WWOX: variants seen among roughly 807,000 people sequenced by gnomAD.
WWOX encodes the protein WW domain-containing oxidoreductase.
A neutral mutation model predicts 46.2 loss-of-function variants in WWOX; 69 were observed. The ratio of observed to expected loss-of-function variants is 1.49; its 90% confidence interval spans 1.23 to 1.82. The LOEUF is 1.82. Ranked by LOEUF, WWOX falls within the 40% of genes most tolerant of loss-of-function variation. WWOX has a pLI of 0.00. For synonymous variants in WWOX, 359 were observed against 202.6 expected (o/e 1.77, Z -6.56); for missense variants, 919 against 542.6 (o/e 1.69, Z -6.89).
chr16:78,640,864 G>C (rs1234902636), intron 8 of WWOX, among the ~76,000 whole-genome samples: 1 of 151,678 alleles, frequency 6.6e-6, no homozygotes. Flanking sequence ...GCTTGAACCT[G>C]GGAAGCAGAG....
intron 8 of WWOX, among the ~76,000 whole-genome samples, chr16:79,194,604 C>T (rs576952504): frequency 6.6e-6 from 1 of 152,282 alleles, no homozygotes; most frequent in South Asian, 2.1e-4. Flanking sequence ...CCACTTCCAT[C>T]CTTCTCCACC....
At chr16:78,985,061 G>A (rs1416261841) in intron 8 of WWOX, among the ~76,000 whole-genome samples, 1 of 152,192 alleles carries the variant, frequency 6.6e-6, no homozygotes, top group Non-Finnish European at 1.5e-5. Context: ...GCTCTGTCAG[G>A]AGCCAAGCTC....
At chr16:79,024,311 T>A (rs939721905) in intron 8 of WWOX, among the ~76,000 whole-genome samples, 2 of 152,234 alleles carry the variant, frequency 1.3e-5, no homozygotes, top group African/African-American at 2.4e-5. Flanking sequence ...TAGGTTGTGG[T>A]GCAGTGGCAC....
chr16:78,363,334 C>T (rs534548584), intron 5 of WWOX, among the ~76,000 whole-genome samples: 8 of 151,326 alleles, frequency 5.3e-5, no homozygotes, highest in East Asian at 1.9e-4. Context: ...AGTGCAGTGG[C>T]GCGATGACAG....
At chr16:78,607,601 C>G (rs976237690) in intron 8 of WWOX, among the ~76,000 whole-genome samples, 1 of 151,184 alleles carries the variant, frequency 6.6e-6, no homozygotes, top group African/African-American at 2.4e-5. Context: ...AATGACCATC[C>G]GAGGCATTCA....
intron 5 of WWOX, among the ~76,000 whole-genome samples, chr16:78,370,791 G>C (rs68142009): frequency 1.7e-4 from 2 of 11,562 alleles, no homozygotes; most frequent in Admixed American, 8.1e-4. Flanking sequence ...TTTTTTTTGG[G>C]GGGGGGGGGG....
At chr16:78,932,570 G>T (rs551075475) in intron 8 of WWOX, among the ~76,000 whole-genome samples, 1 of 152,206 alleles carries the variant, frequency 6.6e-6, no homozygotes, top group Non-Finnish European at 1.5e-5. Context: ...TCCTCGAAAT[G>T]TTCCTGGCAC....
chr16:78,110,262 C>T lies in WWOX; in HGVS notation c.230+427C>T, dbSNP rs138436494. 5.9e-3 allele frequency among the ~76,000 whole-genome samples: 888 copies of T among 149,970 alleles called. 11 individuals are homozygous for T. Among genetic ancestry groups the T allele is most frequent in the African/African-American group, 0.021 (857 of 40,870 alleles). ...GGGTAAGGCGGGAGAATCACTTGAA[C>T]CCAGGAGGCGGAAGTTGCAGTGAGC... On this transcript the variant is annotated intron_variant, in intron 3 of 8. Transcript: ENST00000566780.
At chr16:78,614,553 A>T (rs964401262) in intron 8 of WWOX, among the ~76,000 whole-genome samples, 16 of 152,130 alleles carry the variant, frequency 1.1e-4, no homozygotes, top group South Asian at 2.1e-4. Flanking sequence ...GAGCAGATTG[A>T]ACACCTGTTG....
At chr16:78,741,555 C>G (rs2049228767) in intron 8 of WWOX, among the ~76,000 whole-genome samples, 1 of 150,650 alleles carries the variant, frequency 6.6e-6, no homozygotes, top group African/African-American at 2.5e-5. Flanking sequence ...GAGACTGTGT[C>G]TCAAAAACAA....
intron 8 of WWOX, among the ~76,000 whole-genome samples, chr16:78,893,455 C>G (rs997444931): frequency 6.6e-6 from 1 of 152,082 alleles, no homozygotes; most frequent in African/African-American, 2.4e-5. Context: ...TCTGTTGCTA[C>G]TTAGGAAACC....
intron 8 of WWOX, among the ~76,000 whole-genome samples, chr16:79,123,407 G>A (rs2049681245): frequency 6.6e-6 from 1 of 152,214 alleles, no homozygotes; most frequent in Non-Finnish European, 1.5e-5. Context: ...GTTTTCGGGA[G>A]TGGAAATGAG....
At chr16:78,888,905 C>G (rs965365885) in intron 8 of WWOX, among the ~76,000 whole-genome samples, 1 of 152,068 alleles carries the variant, frequency 6.6e-6, no homozygotes, top group Non-Finnish European at 1.5e-5. Context: ...CCATTCCTCA[C>G]AGTGGCAATT....
chr16:78,814,471 A>ACC (rs2051280055), intron 8 of WWOX, among the ~76,000 whole-genome samples: 3 of 140,690 alleles, frequency 2.1e-5, no homozygotes. Flanking sequence ...GCCTCTCTTG[A>ACC]AAAAAAAAAA....
intron 8 of WWOX, among the ~76,000 whole-genome samples, chr16:78,477,001 C>T (rs939984608): frequency 1.3e-5 from 2 of 151,814 alleles, no homozygotes; most frequent in African/African-American, 4.8e-5. Flanking sequence ...GGGATTGTGT[C>T]TGCGCTTTTG....
At chr16:78,766,080 G>C (rs553338636) in intron 8 of WWOX, among the ~76,000 whole-genome samples, 5 of 152,186 alleles carry the variant, frequency 3.3e-5, no homozygotes, top group Non-Finnish European at 7.3e-5. Context: ...GGAGTGGGAC[G>C]GGGTGAATGA....
intron 8 of WWOX, among the ~76,000 whole-genome samples, chr16:78,593,003 T>C (rs750472564): frequency 2.0e-5 from 3 of 152,188 alleles, no homozygotes; most frequent in Admixed American, 1.3e-4. Context: ...CACAGATAGC[T>C]GCCAGGGAGG....
chr16:78,946,496 C>G (rs1463605471), intron 8 of WWOX, among the ~76,000 whole-genome samples: 1 of 152,032 alleles, frequency 6.6e-6, no homozygotes, highest in African/African-American at 2.4e-5. Context: ...TGGCCTCTTT[C>G]TGTTTCAAAG....
intron 5 of WWOX, among the ~76,000 whole-genome samples, chr16:78,353,265 A>T (rs1597082628): frequency 6.6e-6 from 1 of 152,310 alleles, no homozygotes; most frequent in East Asian, 1.9e-4. Context: ...CAAGAGAAAA[A>T]GACACAGATG....
Sources: gnomAD v4.1 joint callset for allele counts (sites outside exome capture counted in the v4.1 genomes callset) on GRCh38, gnomAD v4.1.1 for gene constraint, MANE v1.5 for transcripts, NCBI Gene and HGNC (gene_info 2026-07-23, HGNC 2026-07-21) for gene names.